Variants in ZNF732 observed in about 807,000 individuals in gnomAD.
ZNF732 encodes zinc finger protein LOC654254.
A neutral mutation model predicts 11.5 loss-of-function variants in ZNF732; 12 were observed. The observed-to-expected ratio is 1.05, with a 90% confidence interval of 0.67 to 1.70. ZNF732 has a LOEUF of 1.70. Ranked by LOEUF, ZNF732 falls within the 40% of genes most tolerant of loss-of-function variation. The pLI, the probability that ZNF732 is intolerant of heterozygous loss-of-function variation, is 0.00. For synonymous variants in ZNF732, 231 were observed against 236.5 expected (o/e 0.98, Z 0.21); for missense variants, 702 against 676.9 (o/e 1.04, Z -0.41).
intron 3 of ZNF732, among the ~76,000 whole-genome samples, chr4:294,449 C>A (rs1261762342): frequency 6.6e-6 from 1 of 152,172 alleles, no homozygotes; most frequent in Non-Finnish European, 1.5e-5. Context: ...ACGTCAATGA[C>A]AGAATCTCAG....
intron 3 of ZNF732, among the ~76,000 whole-genome samples, chr4:291,974 C>T (rs2108658044): frequency 6.6e-6 from 1 of 152,274 alleles, no homozygotes; most frequent in East Asian, 1.9e-4. Flanking sequence ...AAATTACACT[C>T]TTGTCAATAC....
intron 1 of ZNF732, among the ~76,000 whole-genome samples, chr4:299,433 G>A (rs1560165185): frequency 6.6e-5 from 4 of 60,768 alleles, no homozygotes; most frequent in Non-Finnish European, 8.6e-5. Context: ...ATACACATAT[G>A]TGTATATATA....
chr4:296,721 T>C (rs531000798), intron 1 of ZNF732, among the ~76,000 whole-genome samples: 20 of 152,198 alleles, frequency 1.3e-4, no homozygotes, highest in Non-Finnish European at 2.4e-4. Context: ...AAAGAGTTCA[T>C]GAATTAGCTT....
chr4:275,268 AAAC>A (rs1553838491), intron 3 of ZNF732, among the ~76,000 whole-genome samples: 2 of 151,806 alleles, frequency 1.3e-5, no homozygotes, highest in African/African-American at 4.8e-5. Flanking sequence ...TATAGAAATT[AAAC>A]AACACACACT....
chr4:305,440 G>T lies in ZNF732; in HGVS notation c.-130C>A, dbSNP rs1720214436. 1.5e-6 allele frequency: 2 copies of T among 1,370,662 alleles called. No individual in the cohort carries two copies. Among genetic ancestry groups the T allele is most frequent in the African/African-American group, 2.9e-5 (2 of 69,710 alleles). The allele number at this position is 1,370,662 out of a possible 1,614,324, so 84.9% of individuals were successfully genotyped here. On this transcript the variant is annotated 5_prime_UTR_variant, in exon 1 of 4. Coordinates refer to ENST00000419098, the MANE Select transcript of ZNF732 (RefSeq NM_001137608.3). ...CCTGAGGGGTGAAAGCACGGCCGTG[G>T]AGACCCTAACCGAGCTCACGCTGGC...
At chr4:281,440 G>C (rs79295381) in intron 3 of ZNF732, among the ~76,000 whole-genome samples, 2 of 152,194 alleles carry the variant, frequency 1.3e-5, no homozygotes, top group Non-Finnish European at 1.5e-5. Flanking sequence ...AGCCACACCT[G>C]CTCACATTGA....
chr4:296,352 A>G (rs1251120254), intron 1 of ZNF732, among the ~76,000 whole-genome samples, 197 bp from the exon 2 acceptor site: 2 of 152,150 alleles, frequency 1.3e-5, no homozygotes, highest in East Asian at 3.9e-4. Flanking sequence ...CTGCAATAAA[A>G]ATAACGGGCT....
chr4:299,437 A>ATATATATATACATATATACACATGTG (rs1560165205), intron 1 of ZNF732, among the ~76,000 whole-genome samples: 1 of 11,914 alleles, frequency 8.4e-5, no homozygotes, highest in Non-Finnish European at 1.4e-4. Flanking sequence ...ACATATGTGT[A>ATATATATATACATATATACACATGTG]TATATATATA....
rs1052089917 is a variant in ZNF732 at position 271,791 on chromosome 4, G to T, written c.1066C>A (p.His356Asn). The change falls in exon 4 of 4, where the codon CAT (histidine) becomes AAT (asparagine). Residue 356 changes from histidine (H) to asparagine (N), a missense_variant. His to Asn is a moderately conservative substitution (Grantham distance 68). Transcript: ENST00000419098. ...CATTTGTAGGGCTTCTCTCCAGTAT[G>T]AATTCTCTTATGTTCATTCAGAACT... ...SSVLNEHKRI[H>N]TGEKPYKCEQ... The T allele has an allele frequency of 1.9e-6, 3 of 1,612,186 alleles. No individual in the cohort carries two copies. In the African/African-American group the frequency reaches 4.0e-5, roughly 22 times the overall value.
At chr4:299,793 T>C (rs180795022) in intron 1 of ZNF732, among the ~76,000 whole-genome samples, 15 of 149,278 alleles carry the variant, frequency 1.0e-4, no homozygotes, top group Non-Finnish European at 1.5e-5. Context: ...GGCTCCTGGA[T>C]TCCAATGATT....
intron 3 of ZNF732, among the ~76,000 whole-genome samples, chr4:291,138 G>A (rs981620938): frequency 1.3e-5 from 2 of 152,138 alleles, no homozygotes; most frequent in African/African-American, 4.8e-5. Flanking sequence ...TAGATAATAT[G>A]ATCATGCATA....
intron 3 of ZNF732, among the ~76,000 whole-genome samples, chr4:277,654 A>G (rs1719526691): frequency 6.6e-6 from 1 of 152,056 alleles, no homozygotes; most frequent in African/African-American, 2.4e-5. Context: ...GTAAAACTGT[A>G]AGTTAGTAGA....
In ZNF732 at chr4:304,800, A is replaced by G. The variant is rs1182365617; in HGVS notation, c.3+508T>C. 5.3e-5 allele frequency among the ~76,000 whole-genome samples: 8 copies of G among 152,340 alleles called. No homozygotes were observed. In the East Asian group the frequency reaches 1.4e-3, roughly 26 times the overall value. On this transcript the variant is annotated intron_variant, in intron 1 of 3. Transcript: ENST00000419098. ...GCAAGGGGACTGGTGGGCAAGTTGG[A>G]GCGGGCGGGTGATTTGCTTCGCTTC...
At position 272,191 on chromosome 4, in the gene ZNF732, G is replaced by C; in HGVS notation, c.666C>G (p.Pro222=). 2 of 1,613,094 alleles carry C rather than the reference G, an allele frequency of 1.2e-6. No homozygotes were observed. The highest frequency in any genetic ancestry group is 1.7e-6 in the Non-Finnish European group (2 of 1,179,542). ...EYEIIHTGEK[P]FTCEECGNIF... ...TGTTGCCACATTCTTCACATGTGAA[G>C]GGTTTCTCTCCAGTATGAATTATCT... Residue 222 remains proline (P), a synonymous_variant, in exon 4 of 4, where the codon CCC becomes CCG. Coordinates refer to ENST00000419098, the MANE Select transcript of ZNF732 (RefSeq NM_001137608.3).
intron 1 of ZNF732, among the ~76,000 whole-genome samples, chr4:302,624 T>C (rs1720140790): frequency 6.6e-6 from 1 of 152,244 alleles, no homozygotes; most frequent in African/African-American, 2.4e-5. Context: ...ATAGGATGCA[T>C]GTTCTTGCTA....
chr4:292,067 A>G (rs1719850844), intron 3 of ZNF732, among the ~76,000 whole-genome samples: 1 of 152,170 alleles, frequency 6.6e-6, no homozygotes, highest in Non-Finnish European at 1.5e-5. Context: ...AATTAACTCA[A>G]AATGAAACAC....
chr4:299,464 T>TATATATAC (rs1720053455), intron 1 of ZNF732, among the ~76,000 whole-genome samples: 1 of 67,784 alleles, frequency 1.5e-5, no homozygotes, highest in Admixed American at 1.6e-4. Flanking sequence ...CATATGTGTA[T>TATATATAC]ATATATATAC....
Position 296,288 on chromosome 4 carries a change from TA to T in ZNF732, c.4-134del, listed in dbSNP as rs578138433. 484 of 1,242,444 alleles carry T rather than the reference TA, an allele frequency of 3.9e-4. 8 individuals carry two copies. In the South Asian group the frequency reaches 6.8e-3, roughly 17 times the overall value. The allele number at this position is 1,242,444 out of a possible 1,614,324, so 77.0% of individuals were successfully genotyped here. A position where few individuals can be genotyped will look rare whatever the true frequency, so the allele number is the denominator to read the frequency against. On this transcript the variant is annotated intron_variant, in intron 1 of 3. Coordinates refer to ENST00000419098, the MANE Select transcript of ZNF732 (RefSeq NM_001137608.3). ...TAACTTTCAACACAGTAATGTTCTC[TA>T]AAGTATTCTATAGCTCTGCAGAAAA...
chr4:293,294 A>G (rs1421837941), intron 3 of ZNF732, among the ~76,000 whole-genome samples: 1 of 146,856 alleles, frequency 6.8e-6, no homozygotes, highest in Admixed American at 6.9e-5. Flanking sequence ...ATATATATAT[A>G]TATATGTGTG....
Sources: allele counts gnomAD v4.1 joint callset (sites outside exome capture counted in the v4.1 genomes callset), GRCh38; gene constraint gnomAD v4.1.1; transcripts MANE v1.5; gene names NCBI Gene and HGNC (gene_info 2026-07-23, HGNC 2026-07-21).